Variants in UBR1 observed in about 807,000 individuals in gnomAD.
UBR1 encodes E3 ubiquitin-protein ligase UBR1.
A neutral mutation model predicts 242.1 loss-of-function variants in UBR1; 102 were observed. The observed-to-expected ratio is 0.42, with a 90% confidence interval of 0.36 to 0.50. The LOEUF is 0.50. Among genes scored for constraint, UBR1 ranks in the 20% least tolerant of loss-of-function variants. The pLI is 0.01. For missense variants in UBR1, 1,772 were observed against 2,101.8 expected, an observed-to-expected ratio of 0.84 and a Z score of 3.07; for synonymous variants, 675 against 684.8, an observed-to-expected ratio of 0.99 and a Z score of 0.22.
Position 43,075,017 on chromosome 15 carries a change from C to T in UBR1, c.490G>A (p.Val164Ile), listed in dbSNP as rs144415580. The change falls in exon 4 of 47, where the codon GTA (valine) becomes ATA (isoleucine). Residue 164 changes from valine (V) to isoleucine (I), a missense_variant. Val to Ile is a conservative substitution (Grantham distance 29). Around this residue, in one of 3 missense-constraint regions of UBR1, gnomAD observed 734 missense variants for 893.3 expected, o/e 0.82. Coordinates refer to ENST00000290650, the MANE Select transcript of UBR1 (RefSeq NM_174916.3). The stretch of plus-strand genomic sequence containing the variant: ...CCTGCTCTTCCAGGTTCATGATTTA[C>T]ACAAAAAGGGCCAGTTTTCCATGCC... Reference protein sequence around the residue: ...TEAWKTGPFCVNHEPGRAGTI... With the variant: ...TEAWKTGPFCINHEPGRAGTI... 6.2e-7 allele frequency: 1 copy of T among 1,613,958 alleles called. No homozygotes were observed. Among genetic ancestry groups the T allele is most frequent in the African/African-American group, 1.3e-5 (1 of 74,922 alleles).
At chr15:43,012,582 C>T (rs1326353102) in intron 29 of UBR1, among the ~76,000 whole-genome samples, 1 of 152,112 alleles carries the variant, frequency 6.6e-6, no homozygotes, top group Non-Finnish European at 1.5e-5. Flanking sequence ...AGCATTAAGG[C>T]CATAAATGAA....
At chr15:43,102,654 C>T (rs1190673019) in intron 1 of UBR1, among the ~76,000 whole-genome samples, 1 of 152,112 alleles carries the variant, frequency 6.6e-6, no homozygotes, top group African/African-American at 2.4e-5. Context: ...TTTCTCAGTC[C>T]TCATTATCAT....
rs528188948 is a variant in UBR1, at chr15:42,959,963, T to C, written c.4757+682A>G. Among the ~76,000 whole-genome samples, 99 of 152,320 alleles carry C rather than the reference T, an allele frequency of 6.5e-4. 1 individual carries two copies. The highest frequency in any genetic ancestry group is 5.6e-3 in the South Asian group (27 of 4,830). ...GGGAGTCAATTCCTCCACTTGTTTA[T>C]AGATGTGATTCAAGTGAGTAAAATT... On this transcript the variant is annotated intron_variant, in intron 43 of 46. Coordinates refer to ENST00000290650, the MANE Select transcript of UBR1 (RefSeq NM_174916.3).
chr15:42,988,794 A>C, intron 35 of UBR1, 25 bp downstream of exon 35: 5 of 1,614,104 alleles, frequency 3.1e-6, no homozygotes, highest in Non-Finnish European at 4.2e-6. Flanking sequence ...TGAAACCTCC[A>C]AACCAGTTTT....
rs1414537335 is a variant in UBR1, at chr15:43,014,732, C to T, written c.3209+956G>A. 2.7e-5 allele frequency among the ~76,000 whole-genome samples: 4 copies of T among 149,668 alleles called. No homozygotes were observed. In the East Asian group the frequency reaches 6.0e-4, roughly 23 times the overall value. ...GAGCCCCTCCGCCCGGCAGCCACCC[C>T]GTCTGGGAAGTGAGGACCGTCTCCG... On this transcript the variant is annotated intron_variant, in intron 29 of 46. Coordinates refer to ENST00000290650, the MANE Select transcript of UBR1 (RefSeq NM_174916.3).
intron 19 of UBR1, 72 bp downstream of exon 19, chr15:43,036,106 G>A: frequency 7.5e-7 from 1 of 1,329,672 alleles, no homozygotes; most frequent in South Asian, 1.2e-5. Flanking sequence ...AAATATGACT[G>A]AAATAAAATA....
chr15:42,970,466 C>G (rs2032185722), intron 40 of UBR1, 54 bp downstream of exon 40: 21 of 1,553,844 alleles, frequency 1.4e-5, no homozygotes, highest in Non-Finnish European at 1.8e-5. Context: ...TGCCAAACAA[C>G]TGAACAAGAA....
At chr15:43,060,941 GA>G (rs11302662) in intron 6 of UBR1, among the ~76,000 whole-genome samples, 74,969 of 125,148 alleles carry the variant, frequency 0.6, 23,376 homozygotes, top group Non-Finnish European at 0.71. Flanking sequence ...TGCCATTACA[GA>G]AAAAAAAAAA....
At chr15:43,040,676 A>ATTTC (rs2033406173) in intron 15 of UBR1, among the ~76,000 whole-genome samples, 16 of 152,194 alleles carry the variant, frequency 1.1e-4, no homozygotes, top group Non-Finnish European at 1.8e-4. Flanking sequence ...AATGGGAGAA[A>ATTTC]ATTTTTGCAA....
chr15:43,101,667 TA>T (rs2034236657), intron 1 of UBR1, among the ~76,000 whole-genome samples: 1 of 151,674 alleles, frequency 6.6e-6, no homozygotes, highest in Non-Finnish European at 1.5e-5. Context: ...CCACCTCTAC[TA>T]AAAATACAAA....
chr15:43,010,818 C>CAAAAAAAAAAAAAAAAAAA (rs768275252), intron 29 of UBR1, among the ~76,000 whole-genome samples: 2 of 56,970 alleles, frequency 3.5e-5, no homozygotes, highest in African/African-American at 7.2e-5. Flanking sequence ...ACTAAAAATA[C>CAAAAAAAAAAAAAAAAAAA]AAAAAAAAAA....
In UBR1 at chr15:42,944,390, T is replaced by A. The variant is rs978041926; in HGVS notation, c.*939A>T. On this transcript the variant is annotated 3_prime_UTR_variant, in exon 47 of 47. Transcript: ENST00000290650. Reference sequence around the variant, plus strand: ...TTGCACACAGACAACATCAAGGATTTGTCTTTTACAAAGATATAGAAGACT... The same window carrying A: ...TTGCACACAGACAACATCAAGGATTAGTCTTTTACAAAGATATAGAAGACT... 3 of 152,574 alleles carry A rather than the reference T, an allele frequency of 2.0e-5. No individual in the cohort carries two copies. The highest frequency in any genetic ancestry group is 4.4e-5 in the Non-Finnish European group (3 of 68,038). The allele number at this position is 152,574 out of a possible 1,614,324, so 9.5% of individuals were successfully genotyped here.
chr15:43,006,727 C>T (rs113101944), intron 30 of UBR1, among the ~76,000 whole-genome samples: 2,230 of 152,052 alleles, frequency 0.015, 44 homozygotes, highest in African/African-American at 0.051. Flanking sequence ...CAGAATGTGA[C>T]ACATTATACA....
intron 12 of UBR1, among the ~76,000 whole-genome samples, chr15:43,053,816 A>G (rs1290384089): frequency 1.3e-5 from 2 of 149,330 alleles, no homozygotes; most frequent in African/African-American, 2.5e-5. Flanking sequence ...GGCTGGTCTG[A>G]TACAGACGCA....
At chr15:43,089,581 G>T (rs1567149761) in intron 1 of UBR1, among the ~76,000 whole-genome samples, 1 of 152,130 alleles carries the variant, frequency 6.6e-6, no homozygotes, top group Non-Finnish European at 1.5e-5. Flanking sequence ...GTAACAGAGA[G>T]AAAGACACCA....
At chr15:43,005,781 A>G (rs941436120) in intron 30 of UBR1, among the ~76,000 whole-genome samples, 17 of 151,510 alleles carry the variant, frequency 1.1e-4, no homozygotes, top group Admixed American at 2.6e-4. Flanking sequence ...TTAATCTATA[A>G]CCTTACCCCC....
At chr15:43,014,324 C>T (rs528489405) in intron 29 of UBR1, among the ~76,000 whole-genome samples, 14 of 152,200 alleles carry the variant, frequency 9.2e-5, no homozygotes, top group African/African-American at 2.6e-4. Context: ...AAGTGAGGAG[C>T]GTCTCTGCCT....
chr15:43,007,906 C>G (rs547800186), intron 29 of UBR1, among the ~76,000 whole-genome samples: 1 of 152,074 alleles, frequency 6.6e-6, no homozygotes, highest in African/African-American at 2.4e-5. Flanking sequence ...CTATTTTGGT[C>G]GCTATTCAAA....
At chr15:42,992,745 G>A (rs981433273) in intron 33 of UBR1, among the ~76,000 whole-genome samples, 1 of 152,084 alleles carries the variant, frequency 6.6e-6, no homozygotes, top group Non-Finnish European at 1.5e-5. Context: ...CCACTTTCTA[G>A]CTCCAAAGGG....
Sources: gnomAD v4.1 joint callset for allele counts (sites outside exome capture counted in the v4.1 genomes callset) on GRCh38, gnomAD v4.1.1 for gene constraint, gnomAD v4.1.1 regional missense constraint, MANE v1.5 for transcripts, NCBI Gene and HGNC (gene_info 2026-07-23, HGNC 2026-07-21) for gene names.